The following LHFPL2 variants were observed in gnomAD, a reference collection of about 807,000 sequenced individuals.
The protein encoded by LHFPL2 is LHFPL tetraspan subfamily member 2.
Under a neutral mutation model 17.5 loss-of-function variants are expected in LHFPL2, and 7 were observed. The observed-to-expected ratio is 0.40, with a 90% CI of 0.23 to 0.75. The LOEUF is 0.75. Ranked by LOEUF, LHFPL2 falls within the 30% of genes least tolerant of loss-of-function variation. The pLI, the probability that LHFPL2 is intolerant of heterozygous loss-of-function variation, is 0.37. For missense variants in LHFPL2, 241 were observed against 294.8 expected, an observed-to-expected ratio of 0.82 and a Z score of 1.34; for synonymous variants, 134 against 116.2, an observed-to-expected ratio of 1.15 and a Z score of -0.99.
intron 1 of LHFPL2, among the ~76,000 whole-genome samples, chr5:78,636,277 C>G (rs1745446415): frequency 6.6e-6 from 1 of 152,234 alleles, no homozygotes; most frequent in South Asian, 2.1e-4. Flanking sequence ...TGCCTGTCCT[C>G]TGTGTGCTTA....
Position 78,496,374 on chromosome 5 carries a change from TTCTG to T in LHFPL2, c.431-7225_431-7222del, listed in dbSNP as rs1419623400. ...CACACAACTAGGTCAAGAGTTCATA[TTCTG>T]TCTGTCTTTGAAATAGCTGGCCATT... is the stretch of plus-strand genomic sequence containing the variant. On this transcript the variant is annotated intron_variant, in intron 4 of 4. Coordinates refer to ENST00000380345, the MANE Select transcript of LHFPL2 (RefSeq NM_005779.3). 3.9e-5 allele frequency among the ~76,000 whole-genome samples: 6 copies of T among 152,366 alleles called. No individual in the cohort carries two copies. The East Asian group carries it at 5.8e-4, about 15-fold the overall frequency.
intron 3 of LHFPL2, among the ~76,000 whole-genome samples, chr5:78,535,433 A>T (rs891974093): frequency 1.2e-4 from 18 of 152,150 alleles, no homozygotes; most frequent in African/African-American, 4.3e-4. Flanking sequence ...GGAAGAGGGG[A>T]TTGTCCACGA....
At chr5:78,542,232 G>C (rs1756134739) in intron 3 of LHFPL2, among the ~76,000 whole-genome samples, 1 of 151,968 alleles carries the variant, frequency 6.6e-6, no homozygotes, top group Non-Finnish European at 1.5e-5. Context: ...ATCACCCCAG[G>C]GCTGGCTTTC....
intron 3 of LHFPL2, among the ~76,000 whole-genome samples, chr5:78,555,027 G>A (rs1183269632): frequency 2.6e-5 from 4 of 152,130 alleles, no homozygotes; most frequent in African/African-American, 4.8e-5. Context: ...GAAAATATTT[G>A]TATTTCTTGC....
intron 2 of LHFPL2, among the ~76,000 whole-genome samples, chr5:78,602,039 C>G (rs376963178): frequency 7.2e-5 from 11 of 152,246 alleles, no homozygotes; most frequent in African/African-American, 2.2e-4. Flanking sequence ...CTTCCCCCTA[C>G]TCCTCTCAAA....
chr5:78,597,945 A>G (rs1235261799), intron 2 of LHFPL2, among the ~76,000 whole-genome samples: 1 of 152,252 alleles, frequency 6.6e-6, no homozygotes, highest in African/African-American at 2.4e-5. Context: ...CAGGATGCAG[A>G]GCCAGAAATG....
rs1452117471 is a variant in LHFPL2, at chr5:78,488,075, A to C, written c.*822T>G. On this transcript the variant is annotated 3_prime_UTR_variant, in exon 5 of 5. Transcript: ENST00000380345. ...AGGAAACAGTGAGGTTTCCTTTCGC[A>C]GTCAAAGCACAATCCTAACCTTAGA... 6.6e-6 allele frequency: 1 copy of C among 152,196 alleles called. No homozygotes were observed. The highest frequency in any genetic ancestry group is 1.5e-5 in the Non-Finnish European group (1 of 68,038). 9.4% of individuals were successfully genotyped at this position (152,196 alleles called of 1,614,324 possible). A position where few individuals can be genotyped will look rare whatever the true frequency, so the allele number is the denominator to read the frequency against.
intron 3 of LHFPL2, among the ~76,000 whole-genome samples, chr5:78,533,365 T>A (rs1242557989): frequency 6.6e-6 from 1 of 152,206 alleles, no homozygotes; most frequent in East Asian, 1.9e-4. Context: ...ATGAACAAAG[T>A]GCTGCCTGGT....
At chr5:78,581,468 C>A (rs1743135455) in intron 2 of LHFPL2, among the ~76,000 whole-genome samples, 2 of 152,154 alleles carry the variant, frequency 1.3e-5, no homozygotes, top group Non-Finnish European at 1.5e-5. Context: ...TACGTCCCAT[C>A]AATACCTAAT....
At position 78,637,397 on chromosome 5, in the gene LHFPL2, G is replaced by A. The variant is rs142688226; in HGVS notation, c.-349-5029C>T. Among the ~76,000 whole-genome samples, 1,348 of 150,132 alleles carry A rather than the reference G, an allele frequency of 9.0e-3. 8 individuals carry two copies. Among genetic ancestry groups the A allele is most frequent in the Non-Finnish European group, 0.015 (1,000 of 67,980 alleles). ...ATCATTTTAACTAGCTTGGGGGGAGGGGGGGAAGCCTTCCCCTATACCTTT... is the reference window on the plus strand; with the variant it reads ...ATCATTTTAACTAGCTTGGGGGGAGAGGGGGAAGCCTTCCCCTATACCTTT... On this transcript the variant is annotated intron_variant, in intron 1 of 4. Coordinates refer to ENST00000380345, the MANE Select transcript of LHFPL2 (RefSeq NM_005779.3).
intron 3 of LHFPL2, among the ~76,000 whole-genome samples, chr5:78,513,046 C>A (rs1372290094): frequency 6.6e-6 from 1 of 152,168 alleles, no homozygotes; most frequent in Non-Finnish European, 1.5e-5. Flanking sequence ...TGTGCAACCA[C>A]CCCTGCCTGA....
At position 78,485,952 on chromosome 5, in the gene LHFPL2, T is replaced by C. The variant is rs1403992699; in HGVS notation, c.*2945A>G. ...TGAATAAGCCATGAAGGCAAAAATG[T>C]GGAACTCTCCTTGCCAAAACAGAAA... On this transcript the variant is annotated 3_prime_UTR_variant, in exon 5 of 5. Transcript: ENST00000380345. The C allele has an allele frequency of 1.5e-4, 3 of 20,592 alleles. No individual in the cohort carries two copies. The East Asian group carries it at 4.3e-3, about 29-fold the overall frequency. 1.3% of individuals were successfully genotyped at this position (20,592 alleles called of 1,614,324 possible).
At chr5:78,541,241 C>T (rs768995593) in intron 3 of LHFPL2, among the ~76,000 whole-genome samples, 15 of 152,110 alleles carry the variant, frequency 9.9e-5, no homozygotes, top group Admixed American at 9.8e-4. Context: ...CCGAGTGAAG[C>T]TGGGGGAGGT....
intron 2 of LHFPL2, among the ~76,000 whole-genome samples, chr5:78,622,908 C>T (rs1002648344): frequency 1.3e-5 from 2 of 152,048 alleles, no homozygotes; most frequent in Non-Finnish European, 2.9e-5. Flanking sequence ...AGACCCTTAA[C>T]GGGGTCAGGC....
rs1755057587 is a variant in LHFPL2 at position 78,510,000 on chromosome 5, CT to C, written c.213del (p.Val73CysfsTer56). 1 of 1,613,284 alleles carries C rather than the reference CT, an allele frequency of 6.2e-7. No individual in the cohort carries two copies. Among genetic ancestry groups the C allele is most frequent in the African/African-American group, 1.3e-5 (1 of 74,930 alleles). On this transcript the variant is annotated frameshift_variant, in exon 4 of 5. Transcript: ENST00000380345. LOFTEE classifies it high-confidence loss of function. ...GTGTCCCGCTGGAAGTGCTGCACCC[CT>C]GGGTTCCGGATGCAGCGGGCGTAGA... ...LGIYARCIRN[P>X]GVQHFQRDTL...
At chr5:78,604,068 A>G (rs1744124777) in intron 2 of LHFPL2, among the ~76,000 whole-genome samples, 1 of 152,258 alleles carries the variant, frequency 6.6e-6, no homozygotes, top group South Asian at 2.1e-4. Context: ...AATGAGTAGA[A>G]TGCAGTTAGT....
Position 78,488,859 on chromosome 5 carries a change from G to A in LHFPL2, c.*38C>T, listed in dbSNP as rs771349978. On this transcript the variant is annotated 3_prime_UTR_variant, in exon 5 of 5. Transcript: ENST00000380345. Reference sequence around the variant, plus strand: ...GATGAAACTGTGGACTGTTTCACAAGATTACTCAAGGGAGAAAATGGCATT... The same window carrying A: ...GATGAAACTGTGGACTGTTTCACAAAATTACTCAAGGGAGAAAATGGCATT... 3.1e-6 allele frequency: 5 copies of A among 1,605,810 alleles called. No homozygotes were observed. Among genetic ancestry groups the A allele is most frequent in the Non-Finnish European group, 4.3e-6 (5 of 1,176,140 alleles).
At chr5:78,644,637 A>G in intron 1 of LHFPL2, 1 of 353,922 alleles carries the variant, frequency 2.8e-6, no homozygotes, top group Non-Finnish European at 5.5e-6. Flanking sequence ...TTTCTCTTTC[A>G]TAATGGGTCT....
intron 2 of LHFPL2, among the ~76,000 whole-genome samples, chr5:78,612,150 T>C (rs1310562080): frequency 6.6e-6 from 1 of 152,232 alleles, no homozygotes; most frequent in Non-Finnish European, 1.5e-5. Flanking sequence ...TGGCTGACAA[T>C]GGAGCATTTT....
Sources: allele counts gnomAD v4.1 joint callset (sites outside exome capture counted in the v4.1 genomes callset), GRCh38; gene constraint gnomAD v4.1.1; transcripts MANE v1.5; gene names NCBI Gene and HGNC (gene_info 2026-07-23, HGNC 2026-07-21).